Variants in CSMD1 observed in about 807,000 individuals in gnomAD.
CSMD1 encodes the protein CUB and Sushi multiple domains 1.
In CSMD1, 213 loss-of-function variants were observed where a neutral mutation model predicts 417.5. That is an observed-to-expected ratio of 0.51 (90% CI 0.46 to 0.57). CSMD1 has a LOEUF of 0.57. CSMD1 is among the 20% of genes least tolerant of loss of function. The pLI, the probability that CSMD1 is intolerant of heterozygous loss-of-function variation, is 0.00. For missense variants in CSMD1, 6,923 were observed against 4,529.7 expected (o/e 1.53, Z -15.17); for synonymous variants, 2,862 against 1,736.8 (o/e 1.65, Z -16.11).
chr8:3,604,134 G>C (rs1801491129), intron 8 of CSMD1, among the ~76,000 whole-genome samples: 1 of 152,176 alleles, frequency 6.6e-6, no homozygotes, highest in Non-Finnish European at 1.5e-5. Context: ...ACATGATAGT[G>C]AATAAAACAA....
intron 23 of CSMD1, among the ~76,000 whole-genome samples, chr8:3,310,190 A>G (rs1805214730): frequency 6.6e-6 from 1 of 152,250 alleles, no homozygotes; most frequent in Non-Finnish European, 1.5e-5. Context: ...ATCTCACTGC[A>G]TAATGCCAAG....
intron 3 of CSMD1, among the ~76,000 whole-genome samples, chr8:4,247,889 G>T (rs1005280847): frequency 6.6e-6 from 1 of 152,034 alleles, no homozygotes; most frequent in Non-Finnish European, 1.5e-5. Flanking sequence ...TTTTTCTTGA[G>T]GGATAAATTT....
intron 1 of CSMD1, among the ~76,000 whole-genome samples, chr8:4,937,880 A>G (rs1445453642): frequency 5.9e-5 from 9 of 151,884 alleles, no homozygotes; most frequent in Admixed American, 3.3e-4. Context: ...TAACATTACA[A>G]TTTTCACCTT....
chr8:4,724,394 G>A (rs1432517972), intron 1 of CSMD1, among the ~76,000 whole-genome samples: 2 of 151,828 alleles, frequency 1.3e-5, no homozygotes, highest in Non-Finnish European at 2.9e-5. Context: ...AACCCATGTG[G>A]CATACCATAA....
intron 2 of CSMD1, among the ~76,000 whole-genome samples, chr8:4,589,556 T>C (rs1225366825): frequency 6.6e-6 from 1 of 152,222 alleles, no homozygotes; most frequent in African/African-American, 2.4e-5. Context: ...AATATGTTAA[T>C]GTCGACTCTA....
chr8:3,998,500 G>C (rs928566532), intron 4 of CSMD1, among the ~76,000 whole-genome samples: 2 of 152,168 alleles, frequency 1.3e-5, no homozygotes, highest in African/African-American at 2.4e-5. Flanking sequence ...TTTATTCATG[G>C]ATACCTGGCT....
rs17069232 is a variant in CSMD1, at chr8:4,182,692, T to C, written c.416-150593A>G. Among the ~76,000 whole-genome samples the C allele has an allele frequency of 5.7e-3, 861 of 152,240 alleles. 5 individuals are homozygous for C. Among genetic ancestry groups the C allele is most frequent in the African/African-American group, 0.019 (794 of 41,540 alleles). ...CACAAATTGTGAATGCCCGATTAAT[T>C]TGAAGCTTTAAGTTAGAAAGAAAAA... On this transcript the variant is annotated intron_variant, in intron 3 of 69. Transcript: ENST00000635120.
intron 69 of CSMD1, among the ~76,000 whole-genome samples, chr8:2,940,452 C>A (rs1017188975): frequency 1.3e-5 from 2 of 152,118 alleles, no homozygotes; most frequent in South Asian, 2.1e-4. Context: ...GTTGTGATGA[C>A]GACAGATTCC....
chr8:3,893,716 G>A (rs1368848836), intron 5 of CSMD1, among the ~76,000 whole-genome samples: 1 of 151,994 alleles, frequency 6.6e-6, no homozygotes, highest in East Asian at 1.9e-4. Flanking sequence ...TAACAATACA[G>A]CCATCACAAT....
chr8:3,773,177 G>A (rs776524008), intron 5 of CSMD1, among the ~76,000 whole-genome samples: 5 of 152,300 alleles, frequency 3.3e-5, no homozygotes, highest in African/African-American at 4.8e-5. Flanking sequence ...ATGAACTCTA[G>A]GGGGACACTG....
chr8:4,650,276 C>T (rs1171316717), intron 1 of CSMD1, among the ~76,000 whole-genome samples: 2 of 134,180 alleles, frequency 1.5e-5, no homozygotes, highest in East Asian at 2.4e-4. Context: ...ACCCGGGAGG[C>T]GGAGCTTGCA....
At chr8:4,010,087 T>C (rs1456032278) in intron 4 of CSMD1, among the ~76,000 whole-genome samples, 1 of 152,166 alleles carries the variant, frequency 6.6e-6, no homozygotes, top group Non-Finnish European at 1.5e-5. Flanking sequence ...TCCAACTACT[T>C]CTGACATATT....
intron 9 of CSMD1, among the ~76,000 whole-genome samples, chr8:3,584,839 A>G (rs1409314261): frequency 6.6e-6 from 1 of 152,092 alleles, no homozygotes. Flanking sequence ...TTCCTCCTGT[A>G]TAATTGGGAG....
At chr8:4,182,045 G>GTGT (rs1563234661) in intron 3 of CSMD1, among the ~76,000 whole-genome samples, 14 of 53,208 alleles carry the variant, frequency 2.6e-4, no homozygotes, top group African/African-American at 7.2e-4. Flanking sequence ...TGTGTGTGTC[G>GTGT]GTGTGTGTGT....
intron 55 of CSMD1, among the ~76,000 whole-genome samples, chr8:2,975,641 A>C (rs905945301): frequency 2.0e-5 from 3 of 152,248 alleles, no homozygotes; most frequent in African/African-American, 7.2e-5. Flanking sequence ...GACCTGAAAC[A>C]GTGAAATGCT....
intron 6 of CSMD1, among the ~76,000 whole-genome samples, chr8:3,752,071 C>G (rs1047465077): frequency 3.9e-5 from 6 of 152,066 alleles, no homozygotes; most frequent in African/African-American, 1.4e-4. Flanking sequence ...TCATTCAAAC[C>G]CACCCAGCCT....
intron 3 of CSMD1, among the ~76,000 whole-genome samples, chr8:4,159,308 G>C (rs1297727123): frequency 3.9e-5 from 6 of 152,134 alleles, no homozygotes; most frequent in Non-Finnish European, 8.8e-5. Flanking sequence ...TATTTTAAAA[G>C]CTAAATTAAT....
chr8:4,256,768 T>C (rs891644245), intron 3 of CSMD1, among the ~76,000 whole-genome samples: 3 of 152,132 alleles, frequency 2.0e-5, no homozygotes, highest in Non-Finnish European at 4.4e-5. Context: ...TGCCCTGCTC[T>C]CAAGCAGCTT....
At chr8:3,810,539 G>C (rs1416301073) in intron 5 of CSMD1, among the ~76,000 whole-genome samples, 1 of 152,086 alleles carries the variant, frequency 6.6e-6, no homozygotes, top group Non-Finnish European at 1.5e-5. Context: ...TCCTTGGTGT[G>C]GTCTGTAATC....
Sources: gnomAD v4.1 joint callset for allele counts (sites outside exome capture counted in the v4.1 genomes callset) on GRCh38, gnomAD v4.1.1 for gene constraint, MANE v1.5 for transcripts, NCBI Gene and HGNC (gene_info 2026-07-23, HGNC 2026-07-21) for gene names.